HGFAC: variants seen among roughly 807,000 people sequenced by gnomAD.
HGFAC encodes hepatocyte growth factor activator serine protease.
Under a neutral mutation model 70.6 loss-of-function variants are expected in HGFAC, and 76 were observed. The observed-to-expected ratio is 1.08, with a 90% confidence interval of 0.89 to 1.30. The LOEUF is 1.30. Ranked by LOEUF, HGFAC falls within the 50% of genes most tolerant of loss-of-function variation. The probability of loss-of-function intolerance (pLI) is 0.00; values close to 1 mark genes in which losing one functional copy is unlikely to be tolerated. For missense variants in HGFAC, 1,044 were observed against 933.7 expected, an observed-to-expected ratio of 1.12 and a Z score of -1.54; for synonymous variants, 464 against 405.3, an observed-to-expected ratio of 1.14 and a Z score of -1.74.
rs201082880 is a variant in HGFAC, at chr4:3,444,423, C to G, written c.711C>G (p.Cys237Trp). ...AGTGCTTCGGGGGCCGGACCTGGTG[C>G]GAAGGCACCCGACATACAGGTGCGC... ...QCECFGGRTW[C>W]EGTRHTACLS... The change falls in exon 6 of 14, where the codon TGC becomes TGG. Residue 237 changes from cysteine to tryptophan, a missense_variant. Physicochemically the swap from Cys to Trp is radical, Grantham distance 215. Coordinates refer to ENST00000382774, the MANE Select transcript of HGFAC (RefSeq NM_001528.4). 2.1e-4 allele frequency: 334 copies of G among 1,599,472 alleles called. 2 individuals carry two copies. Among genetic ancestry groups the G allele is most frequent in the Middle Eastern group, 1.0e-3 (6 of 5,796 alleles).
intron 6 of HGFAC, 67 bp downstream of exon 6, chr4:3,444,509 A>C: frequency 6.6e-7 from 1 of 1,521,836 alleles, no homozygotes; most frequent in Non-Finnish European, 8.8e-7. Context: ...CCCGAGTGGG[A>C]GGAATGGCCT....
intron 5 of HGFAC, 31 bp from the exon 6 acceptor site, chr4:3,444,265 GGGACAGCAGGTGGCA>G: frequency 3.2e-6 from 5 of 1,567,838 alleles, no homozygotes; most frequent in Non-Finnish European, 4.3e-6. Context: ...GCCCTGCACG[GGGACAGCAGGTGGCA>G]GGGTGTGAGG....
chr4:3,444,820 G>C lies in HGFAC; in HGVS notation c.843G>C (p.Glu281Asp), dbSNP rs1186392125. ...PGFAGRLCNI[E>D]PDERCFLGNG... is the part of the protein sequence containing the mutation. ...GCCTCACTGCCCCTCTGCCCGCAGA[G>C]CCTGATGAGCGCTGCTTCTTGGGGA... The change falls in exon 8 of 14, where the codon GAG becomes GAC. Residue 281 changes from glutamate (E) to aspartate (D), a missense_variant and splice_region_variant. Coordinates refer to ENST00000382774, the MANE Select transcript of HGFAC (RefSeq NM_001528.4). The C allele has an allele frequency of 6.9e-6, 11 of 1,591,962 alleles. No homozygotes were observed. Among genetic ancestry groups the C allele is most frequent in the Non-Finnish European group, 7.7e-6 (9 of 1,168,218 alleles).
At chr4:3,442,334 G>T (rs997850980) in intron 1 of HGFAC, among the ~76,000 whole-genome samples, 2 of 152,168 alleles carry the variant, frequency 1.3e-5, no homozygotes, top group Non-Finnish European at 2.9e-5. Context: ...CCCCACCTGG[G>T]GGCTGTCATC....
Position 3,447,584 on chromosome 4 carries a change from TCCCGTACA to T in HGFAC, c.1452_1459del (p.Tyr485ValfsTer58), listed in dbSNP as rs750637839. On this transcript the variant is annotated frameshift_variant, in exon 11 of 14. Transcript: ENST00000382774. LOFTEE classifies it high-confidence loss of function. Reference sequence around the variant, plus strand: ...CAGACCTTCGGCATCGAGAAGTACATCCCGTACACCCTGTACTCGGTGTTCAACCCCAG... The same window carrying T: ...CAGACCTTCGGCATCGAGAAGTACATCCCTGTACTCGGTGTTCAACCCCAG... 1 of 1,612,638 alleles carries T rather than the reference TCCCGTACA, an allele frequency of 6.2e-7. No homozygotes were observed. The highest frequency in any genetic ancestry group is 2.2e-5 in the East Asian group (1 of 44,872).
intron 10 of HGFAC, 145 bp downstream of exon 10, chr4:3,446,439 C>A: frequency 9.8e-7 from 1 of 1,020,346 alleles, no homozygotes; most frequent in Non-Finnish European, 1.4e-6. Context: ...CCCTCTCTGA[C>A]CCCTCTGGGT....
In HGFAC at chr4:3,446,181, G is replaced by A. The variant is rs562907434; in HGVS notation, c.1242G>A (p.Ser414=). The A allele has an allele frequency of 6.2e-6, 10 of 1,610,990 alleles. No individual in the cohort carries two copies. The highest frequency in any genetic ancestry group is 4.5e-5 in the East Asian group (2 of 44,834). The change falls in exon 10 of 14, where the codon TCG becomes TCA. Residue 414 remains serine (S), a synonymous_variant. Coordinates refer to ENST00000382774, the MANE Select transcript of HGFAC (RefSeq NM_001528.4). ...LRPRIIGGSS[S]LPGSHPWLAA... is the part of the protein sequence containing the mutation. ...CACGTATCATCGGCGGCTCCTCCTCGCTGCCCGGCTCGCACCCCTGGCTGG... is the reference window on the plus strand; with the variant it reads ...CACGTATCATCGGCGGCTCCTCCTCACTGCCCGGCTCGCACCCCTGGCTGG...
At chr4:3,447,135 A>G (rs1178801134) in intron 10 of HGFAC, among the ~76,000 whole-genome samples, 1 of 152,124 alleles carries the variant, frequency 6.6e-6, no homozygotes, top group East Asian at 1.9e-4. Context: ...ATGTGGATGG[A>G]AGCTGGGGCA....
chr4:3,441,447 C>G (rs1168907218), upstream of HGFAC, among the ~76,000 whole-genome samples: 1 of 152,058 alleles, frequency 6.6e-6, no homozygotes, highest in Non-Finnish European at 1.5e-5. The surrounding 1 kb of genome is among the most constrained non-coding windows in gnomAD (Gnocchi z 6.0). Flanking sequence ...TGTGCCTGGC[C>G]TTTTGGCCAG....
chr4:3,442,164 T>A, intron 1 of HGFAC, 46 bp downstream of exon 1: 1 of 1,436,246 alleles, frequency 7.0e-7, no homozygotes, highest in Non-Finnish European at 9.4e-7. Context: ...TCCCAGTGGC[T>A]ACTTGGGGTC....
intron 4 of HGFAC, among the ~76,000 whole-genome samples, chr4:3,443,654 G>A (rs1054974822): frequency 6.6e-6 from 1 of 152,194 alleles, no homozygotes; most frequent in Non-Finnish European, 1.5e-5. Flanking sequence ...GCCTGGTGGT[G>A]AGGCCGGGCC....
chr4:3,447,846 C>G, intron 11 of HGFAC, 49 bp from the exon 12 acceptor site: 1 of 1,592,292 alleles, frequency 6.3e-7, no homozygotes, highest in Non-Finnish European at 8.6e-7. Flanking sequence ...CGACAGCCTC[C>G]CGTTCAGCCC....
chr4:3,445,662 C>T, intron 9 of HGFAC: 2 of 606,848 alleles, frequency 3.3e-6, no homozygotes, highest in Non-Finnish European at 2.9e-6. Context: ...TGCAGGCCCC[C>T]CAGAGGCCAC....
upstream of HGFAC, among the ~76,000 whole-genome samples, chr4:3,441,066 G>A (rs1253049405): frequency 6.6e-6 from 1 of 152,096 alleles, no homozygotes; most frequent in Non-Finnish European, 1.5e-5. The surrounding 1 kb of genome is among the most constrained non-coding windows in gnomAD (Gnocchi z 6.0). Flanking sequence ...TGCTGACTCA[G>A]GAGGAACCCG....
rs752365593 is a variant in HGFAC, at chr4:3,444,995, T to C, written c.1016+2T>C. ...CCTGGGCCCCCATGCCTACTGCCGG[T>C]CAGCACCACGCCGCTCCAGGCCGCC... On this transcript the variant is annotated splice_donor_variant, in intron 8 of 13. Transcript: ENST00000382774. LOFTEE classifies it high-confidence loss of function. 5.1e-6 allele frequency: 8 copies of C among 1,579,844 alleles called. No homozygotes were observed. Among genetic ancestry groups the C allele is most frequent in the Non-Finnish European group, 6.0e-6 (7 of 1,166,056 alleles).
Position 3,447,903 on chromosome 4 carries a change from C to A in HGFAC, c.1504C>A (p.Arg502=), listed in dbSNP as rs201196516. The A allele has an allele frequency of 6.2e-7, 1 of 1,611,082 alleles. No individual in the cohort carries two copies. The highest frequency in any genetic ancestry group is 1.3e-5 in the African/African-American group (1 of 74,902). ...GCCACTCTTCTGATCAGTCCTGATC[C>A]GGCTGAAGAAGAAAGGGGACCGCTG... is the stretch of plus-strand genomic sequence containing the variant. ...NPSDHDLVLI[R]LKKKGDRCAT... is the part of the protein sequence containing the mutation. Residue 502 remains arginine, a synonymous_variant, in exon 12 of 14, where the codon CGG becomes AGG. Coordinates refer to ENST00000382774, the MANE Select transcript of HGFAC (RefSeq NM_001528.4).
In HGFAC at chr4:3,445,325, G is replaced by T. The variant is rs865819879; in HGVS notation, c.1077G>T (p.Trp359Cys). 6.3e-7 allele frequency: 1 copy of T among 1,585,960 alleles called. No individual in the cohort carries two copies. The highest frequency in any genetic ancestry group is 2.3e-5 in the East Asian group (1 of 43,058). ...CYVVKDSALSWEYCRLEACES... is the reference protein window; with the variant it reads ...CYVVKDSALSCEYCRLEACES... ...TGGTGAAGGACAGCGCGCTCTCCTG[G>T]GAGTACTGCCGCCTGGAGGCCTGCG... Residue 359 changes from tryptophan (W) to cysteine (C), a missense_variant, in exon 9 of 14, where the codon TGG (tryptophan) becomes TGT (cysteine). By Grantham distance (215) the Trp-to-Cys change is radical. Coordinates refer to ENST00000382774, the MANE Select transcript of HGFAC (RefSeq NM_001528.4).
In HGFAC at chr4:3,443,033, C is replaced by G; in HGVS notation, c.299-17C>G. ...GCCCCTCGAGGGAGCCCTGACCCTG[C>G]CACCCCCTCCCCACAGCACTCACCG... On this transcript the variant is annotated splice_polypyrimidine_tract_variant and intron_variant, in intron 2 of 13. Transcript: ENST00000382774. The G allele has an allele frequency of 6.3e-7, 1 of 1,581,188 alleles. No individual in the cohort carries two copies. The highest frequency in any genetic ancestry group is 1.3e-5 in the African/African-American group (1 of 74,554).
chr4:3,448,260 A>G lies in HGFAC; in HGVS notation c.1769A>G (p.Lys590Arg). The change falls in exon 13 of 14, where the codon AAG (lysine) becomes AGG (arginine). Residue 590 changes from lysine (K) to arginine (R), a missense_variant. By Grantham distance (26) the Lys-to-Arg change is conservative (BLOSUM62 2). Coordinates refer to ENST00000382774, the MANE Select transcript of HGFAC (RefSeq NM_001528.4). ...CTCTGTGCCGGCTACTTCGACTGCA[A>G]GTCCGACGCCTGCCAGGTGAGCTGG... ...NMLCAGYFDC[K>R]SDACQGDSGG... The G allele has an allele frequency of 6.2e-7, 1 of 1,606,008 alleles. No individual in the cohort carries two copies. Among genetic ancestry groups the G allele is most frequent in the South Asian group, 1.1e-5 (1 of 90,252 alleles).
Sources: gnomAD v4.1 joint callset for allele counts (sites outside exome capture counted in the v4.1 genomes callset) on GRCh38, gnomAD v4.1.1 for gene constraint, Gnocchi (gnomAD v3.1) non-coding constraint, MANE v1.5 for transcripts, NCBI Gene and HGNC (gene_info 2026-07-23, HGNC 2026-07-21) for gene names.